Variants in SPINK13 observed in about 807,000 individuals in gnomAD.
SPINK13 encodes serine peptidase inhibitor Kazal type 13.
A neutral mutation model predicts 11.0 loss-of-function variants in SPINK13; 11 were observed. The ratio of observed to expected loss-of-function variants is 1.00; its 90% CI spans 0.63 to 1.65. The LOEUF (loss-of-function observed/expected upper bound fraction) is 1.65, where lower values mean the gene tolerates loss of function less well. Ranked by LOEUF, SPINK13 falls within the 40% of genes most tolerant of loss-of-function variation. The pLI is 0.00. For synonymous variants in SPINK13, 31 were observed against 35.6 expected, an observed-to-expected ratio of 0.87 and a Z score of 0.46; for missense variants, 113 against 117.7, an observed-to-expected ratio of 0.96 and a Z score of 0.19.
At chr5:148,269,619 C>T (rs1756317185) in intron 1 of SPINK13, among the ~76,000 whole-genome samples, 1 of 152,150 alleles carries the variant, frequency 6.6e-6, no homozygotes, top group African/African-American at 2.4e-5. Flanking sequence ...CAGGACAGCT[C>T]TCAGTTTACA....
chr5:148,269,848 C>CA (rs1176533153), intron 1 of SPINK13, among the ~76,000 whole-genome samples, 192 bp from the exon 2 acceptor site: 1 of 151,774 alleles, frequency 6.6e-6, no homozygotes, highest in African/African-American at 2.4e-5. Context: ...AAAAAAAAGT[C>CA]ATTTTTTTAT....
At chr5:148,278,038 T>C (rs563155635) in intron 3 of SPINK13, among the ~76,000 whole-genome samples, 11 of 152,352 alleles carry the variant, frequency 7.2e-5, no homozygotes, top group African/African-American at 2.4e-4. Context: ...CCATTTCTTC[T>C]AGATTTTCTA....
intron 3 of SPINK13, among the ~76,000 whole-genome samples, chr5:148,278,259 C>T (rs1301063757): frequency 1.3e-5 from 2 of 152,148 alleles, no homozygotes; most frequent in African/African-American, 4.8e-5. Flanking sequence ...GTTTTTGAGT[C>T]TCTATCGCCT....
intron 3 of SPINK13, among the ~76,000 whole-genome samples, chr5:148,278,086 G>C (rs933201477): frequency 1.3e-5 from 2 of 152,150 alleles, no homozygotes; most frequent in African/African-American, 4.8e-5. Context: ...ATTCTCTGAT[G>C]GTAGTTTGTA....
chr5:148,270,271 G>T, intron 2 of SPINK13, 129 bp downstream of exon 2: 1 of 816,048 alleles, frequency 1.2e-6, no homozygotes, highest in East Asian at 2.6e-5. Flanking sequence ...TCCAAACTGG[G>T]TATAATTAAA....
chr5:148,280,875 G>A (rs985206627), intron 3 of SPINK13, among the ~76,000 whole-genome samples: 8 of 152,258 alleles, frequency 5.3e-5, no homozygotes, highest in East Asian at 3.9e-4. Flanking sequence ...TGCTGAAGAC[G>A]CACCCACAGC....
intron 3 of SPINK13, among the ~76,000 whole-genome samples, chr5:148,281,166 G>A (rs551760830): frequency 2.6e-4 from 39 of 152,274 alleles, no homozygotes; most frequent in African/African-American, 8.2e-4. Flanking sequence ...GTCGACCTCC[G>A]ACTGCTGTGC....
chr5:148,271,252 T>A lies in SPINK13; in HGVS notation c.70+1110T>A, dbSNP rs11958377. The stretch of plus-strand genomic sequence containing the variant: ...AGGTTCTCTGTGATATACTTTATTA[T>A]TTTAAATATGCCTCAGTTGGATAGA... On this transcript the variant is annotated intron_variant, in intron 2 of 4. Transcript: ENST00000398450. 2.5e-3 allele frequency among the ~76,000 whole-genome samples: 374 copies of A among 152,292 alleles called. 2 individuals carry two copies. The highest frequency in any genetic ancestry group is 8.6e-3 in the African/African-American group (358 of 41,560).
intron 4 of SPINK13, among the ~76,000 whole-genome samples, chr5:148,284,104 T>C (rs1225400288): frequency 4.0e-5 from 6 of 148,300 alleles, no homozygotes; most frequent in Admixed American, 3.3e-4. Context: ...TTTCCTTCCT[T>C]CCTCCCTCCC....
At chr5:148,274,641 A>G (rs1756398251) in intron 3 of SPINK13, among the ~76,000 whole-genome samples, 1 of 152,060 alleles carries the variant, frequency 6.6e-6, no homozygotes, top group Non-Finnish European at 1.5e-5. Context: ...GCTACATGGG[A>G]GGTTGAGTTG....
chr5:148,269,446 A>T (rs1756314233), intron 1 of SPINK13, among the ~76,000 whole-genome samples: 1 of 152,014 alleles, frequency 6.6e-6, no homozygotes, highest in Admixed American at 6.6e-5. Flanking sequence ...AATTTTTATT[A>T]AGCATGACCA....
chr5:148,286,107 T>C lies in SPINK13; in HGVS notation c.*59T>C. The C allele has an allele frequency of 9.0e-7, 1 of 1,105,124 alleles. No homozygotes were observed. 68.5% of individuals were successfully genotyped at this position (1,105,124 alleles called of 1,614,324 possible). On this transcript the variant is annotated 3_prime_UTR_variant, in exon 5 of 5. Coordinates refer to ENST00000398450, the MANE Select transcript of SPINK13 (RefSeq NM_001040129.3). ...TTTCTACTTAATTCAGAATAGTATT[T>C]CTTTTAGAGTGTGAGAATGTAAATT...
chr5:148,282,710 G>C (rs1756536983), intron 4 of SPINK13, among the ~76,000 whole-genome samples: 1 of 152,170 alleles, frequency 6.6e-6, no homozygotes, highest in Non-Finnish European at 1.5e-5. Flanking sequence ...GAGTAGCAAA[G>C]GGTGGTCTTA....
At chr5:148,279,219 C>T (rs1756477668) in intron 3 of SPINK13, among the ~76,000 whole-genome samples, 1 of 148,466 alleles carries the variant, frequency 6.7e-6, no homozygotes, top group Admixed American at 6.9e-5. Context: ...ACTGATGGGT[C>T]TTGACTCTAT....
chr5:148,279,838 T>C (rs1397017598), intron 3 of SPINK13, among the ~76,000 whole-genome samples: 1 of 152,244 alleles, frequency 6.6e-6, no homozygotes, highest in South Asian at 2.1e-4. Context: ...TCTTGCTAGG[T>C]TGGGGAAGTT....
At chr5:148,276,139 G>A (rs1457240126) in intron 3 of SPINK13, among the ~76,000 whole-genome samples, 1 of 152,046 alleles carries the variant, frequency 6.6e-6, no homozygotes, top group Admixed American at 6.6e-5. Flanking sequence ...ACTTTTTGAT[G>A]AGGTTGTTTT....
At position 148,280,767 on chromosome 5, in the gene SPINK13, C is replaced by T. The variant is rs1026551569; in HGVS notation, c.109-1337C>T. Among the ~76,000 whole-genome samples the T allele has an allele frequency of 1.3e-5, 2 of 152,194 alleles. 1 individual carries two copies. The highest frequency in any genetic ancestry group is 2.9e-5 in the Non-Finnish European group (2 of 68,036). On this transcript the variant is annotated intron_variant, in intron 3 of 4. Transcript: ENST00000398450. ...CCTCAGGAGGCACGGGGGTCAGGGA[C>T]CCACTTGAGGAGGCAGTCTATCCCT...
At chr5:148,279,229 T>C (rs1756477857) in intron 3 of SPINK13, among the ~76,000 whole-genome samples, 2 of 151,272 alleles carry the variant, frequency 1.3e-5, no homozygotes, top group South Asian at 4.2e-4. Flanking sequence ...CTTGACTCTA[T>C]CCAATTTGCC....
intron 3 of SPINK13, among the ~76,000 whole-genome samples, chr5:148,275,336 A>T (rs1756409577): frequency 6.6e-6 from 1 of 152,190 alleles, no homozygotes; most frequent in African/African-American, 2.4e-5. Flanking sequence ...ATGGCTGCAT[A>T]GTATTCCATG....
Sources: gnomAD v4.1 joint callset for allele counts (sites outside exome capture counted in the v4.1 genomes callset) on GRCh38, gnomAD v4.1.1 for gene constraint, MANE v1.5 for transcripts, NCBI Gene and HGNC (gene_info 2026-07-23, HGNC 2026-07-21) for gene names.